MAD1L1: variants seen among roughly 807,000 people sequenced by gnomAD.
The protein encoded by MAD1L1 is mitotic spindle assembly checkpoint protein MAD1.
A neutral mutation model predicts 96.9 loss-of-function variants in MAD1L1; 95 were observed. That is an observed-to-expected ratio of 0.98 (90% CI 0.83 to 1.16). The LOEUF (loss-of-function observed/expected upper bound fraction) is 1.16, where lower values mean the gene tolerates loss of function less well. Among genes scored for constraint, MAD1L1 ranks in the 50% most tolerant of loss-of-function variants. MAD1L1 has a pLI of 0.00. For missense variants in MAD1L1, 1,007 were observed against 954.4 expected (o/e 1.06, Z -0.73); for synonymous variants, 473 against 396.6 (o/e 1.19, Z -2.29).
intron 12 of MAD1L1, among the ~76,000 whole-genome samples, chr7:2,064,658 T>TAGGAGGACAGTGGCTTCTCCC (rs1784802612): frequency 1.3e-5 from 2 of 149,080 alleles, no homozygotes; most frequent in Non-Finnish European, 3.0e-5. Context: ...AGGCTTCTCC[T>TAGGAGGACAGTGGCTTCTCCC]AGGAGGACAG....
intron 16 of MAD1L1, among the ~76,000 whole-genome samples, chr7:1,938,999 GCACACA>G (rs66527139): frequency 4.1e-5 from 2 of 48,680 alleles, no homozygotes; most frequent in African/African-American, 8.2e-5. Context: ...GCACACACAC[GCACACA>G]CACACACACA....
intron 18 of MAD1L1, among the ~76,000 whole-genome samples, chr7:1,872,097 A>G (rs1785142593): frequency 1.3e-5 from 2 of 152,024 alleles, no homozygotes; most frequent in Non-Finnish European, 2.9e-5. Context: ...GGCCTTGGGG[A>G]GCCTCCTCCA....
intron 11 of MAD1L1, among the ~76,000 whole-genome samples, chr7:2,101,141 C>T (rs984903612): frequency 5.3e-5 from 8 of 152,340 alleles, no homozygotes; most frequent in Admixed American, 5.2e-4. Context: ...AACTCATAAT[C>T]CTTTGTCACA....
intron 18 of MAD1L1, chr7:1,848,181 G>A: frequency 4.9e-6 from 1 of 203,744 alleles, no homozygotes; most frequent in Non-Finnish European, 1.0e-5. Flanking sequence ...CACGCCTGCT[G>A]CAGCCCCAGG....
intron 11 of MAD1L1, among the ~76,000 whole-genome samples, chr7:2,131,089 C>T (rs1214057174): frequency 1.3e-5 from 2 of 152,174 alleles, no homozygotes; most frequent in Non-Finnish European, 2.9e-5. Context: ...AAACTAGATT[C>T]GGACGCTTTG....
intron 14 of MAD1L1, among the ~76,000 whole-genome samples, chr7:1,983,150 GCGCGCACACACACACA>G (rs57674836): frequency 0.06 from 5,605 of 93,154 alleles, 229 homozygotes; most frequent in East Asian, 0.21. Flanking sequence ...GCGCGCGCGC[GCGCGCACACACACACA>G]CACACACACA....
chr7:1,836,006 G>A (rs946573695), intron 18 of MAD1L1, among the ~76,000 whole-genome samples: 8 of 152,144 alleles, frequency 5.3e-5, no homozygotes, highest in Non-Finnish European at 1.0e-4. Context: ...GAGCAGTGAG[G>A]ATGACCAGAG....
chr7:2,071,033 G>C (rs1379119740), intron 11 of MAD1L1, among the ~76,000 whole-genome samples: 1 of 152,036 alleles, frequency 6.6e-6, no homozygotes, highest in African/African-American at 2.4e-5. Context: ...GCTTTCTTGG[G>C]AGGTGGTTTG....
chr7:1,889,420 G>C (rs1401700643), intron 18 of MAD1L1, among the ~76,000 whole-genome samples: 2 of 152,218 alleles, frequency 1.3e-5, no homozygotes, highest in South Asian at 2.1e-4. Context: ...TGTACTGCTA[G>C]GGTCCCTCAG....
At chr7:2,043,979 G>A (rs747622526) in intron 12 of MAD1L1, among the ~76,000 whole-genome samples, 2 of 152,208 alleles carry the variant, frequency 1.3e-5, no homozygotes, top group Non-Finnish European at 2.9e-5. Flanking sequence ...TGCCCGTCCC[G>A]TCAAGAGAGC....
chr7:2,186,122 A>T (rs1036942317), intron 10 of MAD1L1, among the ~76,000 whole-genome samples: 6 of 152,240 alleles, frequency 3.9e-5, no homozygotes, highest in African/African-American at 1.4e-4. Context: ...AAGTACTGTT[A>T]ACAGAAGTAT....
intron 10 of MAD1L1, among the ~76,000 whole-genome samples, chr7:2,157,286 GCAGGTCAC>G (rs1294498838): frequency 6.6e-6 from 1 of 152,210 alleles, no homozygotes; most frequent in Non-Finnish European, 1.5e-5. Context: ...CTCCAGCAGT[GCAGGTCAC>G]CGTGATCAGG....
intron 10 of MAD1L1, among the ~76,000 whole-genome samples, chr7:2,164,583 G>A (rs1439122405): frequency 4.5e-5 from 4 of 89,666 alleles, no homozygotes; most frequent in Admixed American, 1.5e-4. Context: ...ACACTAAGAA[G>A]CAGGAAAAAT....
chr7:2,127,783 C>T (rs987271002), intron 11 of MAD1L1, among the ~76,000 whole-genome samples: 6 of 152,136 alleles, frequency 3.9e-5, no homozygotes, highest in African/African-American at 7.2e-5. Context: ...GCACTGTGGG[C>T]GTCAGGGGAG....
At chr7:1,913,978 G>A (rs1179011946) in intron 17 of MAD1L1, among the ~76,000 whole-genome samples, 1 of 151,850 alleles carries the variant, frequency 6.6e-6, no homozygotes, top group Non-Finnish European at 1.5e-5. Flanking sequence ...CATGCTGGGG[G>A]GGGAGAGGGT....
At position 2,229,991 on chromosome 7, in the gene MAD1L1, C is replaced by T. The variant is rs2115029274; in HGVS notation, c.143G>A (p.Ser48Asn). 1.2e-6 allele frequency: 2 copies of T among 1,612,716 alleles called. No individual in the cohort carries two copies. The highest frequency in any genetic ancestry group is 8.5e-7 in the Non-Finnish European group (1 of 1,179,990). Reference sequence around the variant, plus strand: ...CAGGCACATGCCACTCACCTGCATGCTCTGCTGGTACTGCATCTGCAGAGA... The same window carrying T: ...CAGGCACATGCCACTCACCTGCATGTTCTGCTGGTACTGCATCTGCAGAGA... ...PGSLQMQYQQ[S>N]MQLEERAEQI... Residue 48 changes from serine to asparagine, a missense_variant, in exon 3 of 19, where the codon AGC becomes AAC. Physicochemically the swap from Ser to Asn is conservative, Grantham distance 46. Transcript: ENST00000265854.
At chr7:1,879,377 C>A (rs1785554894) in intron 18 of MAD1L1, among the ~76,000 whole-genome samples, 1 of 151,196 alleles carries the variant, frequency 6.6e-6, no homozygotes, top group African/African-American at 2.4e-5. Flanking sequence ...ATCGCTTGAA[C>A]CTGGCAGGCA....
intron 17 of MAD1L1, among the ~76,000 whole-genome samples, chr7:1,919,828 A>T (rs1213912203): frequency 6.6e-6 from 1 of 152,214 alleles, no homozygotes. Context: ...GCTCAGGAGC[A>T]ACTTTGCTTT....
intron 10 of MAD1L1, among the ~76,000 whole-genome samples, chr7:2,167,847 C>A (rs1264387249): frequency 2.0e-5 from 3 of 152,048 alleles, no homozygotes; most frequent in Admixed American, 1.3e-4. Context: ...CCAGCCAGGG[C>A]AACATGGCAA....
Sources: allele counts gnomAD v4.1 joint callset (sites outside exome capture counted in the v4.1 genomes callset), GRCh38; gene constraint gnomAD v4.1.1; transcripts MANE v1.5; gene names NCBI Gene and HGNC (gene_info 2026-07-23, HGNC 2026-07-21).